OTOA: variants seen among roughly 807,000 people sequenced by gnomAD.
OTOA encodes otoancorin.
OTOA carries 70 observed loss-of-function variants against 110.8 expected under a neutral mutation model. The ratio of observed to expected loss-of-function variants is 0.63; its 90% CI spans 0.52 to 0.77. The LOEUF (loss-of-function observed/expected upper bound fraction) is 0.77. OTOA is among the 30% of genes least tolerant of loss of function. OTOA has a pLI of 0.00. For synonymous variants in OTOA, 373 were observed against 431.5 expected, an observed-to-expected ratio of 0.86 and a Z score of 1.68; for missense variants, 917 against 1,075.8, an observed-to-expected ratio of 0.85 and a Z score of 2.06.
At position 21,728,413 on chromosome 16, in the gene OTOA, A is replaced by G. The variant is rs1898998666; in HGVS notation, c.2189A>G (p.Lys730Arg). 6.2e-7 allele frequency: 1 copy of G among 1,613,850 alleles called. No individual in the cohort carries two copies. The highest frequency in any genetic ancestry group is 8.5e-7 in the Non-Finnish European group (1 of 1,179,970). The change falls in exon 20 of 29, where the codon AAG (lysine) becomes AGG (arginine). Residue 730 changes from lysine (K) to arginine (R), a missense_variant. Coordinates refer to ENST00000646100, the MANE Select transcript of OTOA (RefSeq NM_144672.4). ...NPEQKAAVRL[K>R]LLGQYGLPQH... ...GAGCAAAAGGCTGCAGTGAGGCTCA[A>G]GCTCCTGGGACAGTATGGGTGAGGA... is the stretch of plus-strand genomic sequence containing the variant.
intron 1 of OTOA, among the ~76,000 whole-genome samples, chr16:21,669,062 C>T (rs897976928): frequency 3.3e-5 from 5 of 151,844 alleles, no homozygotes; most frequent in African/African-American, 1.2e-4. Context: ...TATCTGGGGC[C>T]GGGTGCAGTG....
chr16:21,720,222 C>G (rs1898687215), intron 17 of OTOA, among the ~76,000 whole-genome samples: 1 of 152,146 alleles, frequency 6.6e-6, no homozygotes, highest in Non-Finnish European at 1.5e-5. Context: ...TCTCAAAGTG[C>G]TGGGATGACA....
At position 21,715,002 on chromosome 16, in the gene OTOA, T is replaced by C. The variant is rs1894710196; in HGVS notation, c.1338T>C (p.Asn446=). The change falls in exon 14 of 29, where the codon AAT becomes AAC. Residue 446 remains asparagine, a synonymous_variant. Coordinates refer to ENST00000646100, the MANE Select transcript of OTOA (RefSeq NM_144672.4). ...TCTTCCAGGTGCTGTCTTTCTACAA[T>C]GTCAGCCAGATGGGCGCACTGCTGG... The part of the protein sequence containing the change: ...LAHEKVLSFY[N]VSQMGALLAG... The C allele has an allele frequency of 6.2e-7, 1 of 1,614,044 alleles. No individual in the cohort carries two copies. The highest frequency in any genetic ancestry group is 1.3e-5 in the African/African-American group (1 of 74,934).
intron 21 of OTOA, among the ~76,000 whole-genome samples, chr16:21,735,887 C>A (rs1183479005): frequency 6.6e-6 from 1 of 152,214 alleles, no homozygotes; most frequent in Non-Finnish European, 1.5e-5. Flanking sequence ...AGCCACCACA[C>A]CTCGCCTAAC....
At chr16:21,691,324 C>T (rs1181270977) in intron 8 of OTOA, among the ~76,000 whole-genome samples, 7 of 151,824 alleles carry the variant, frequency 4.6e-5, no homozygotes, top group African/African-American at 1.7e-4. Flanking sequence ...CCTTTGGGTA[C>T]ATACCCAGAA....
At chr16:21,682,130 A>C in intron 6 of OTOA, among the ~76,000 whole-genome samples, 1 of 152,238 alleles carries the variant, frequency 6.6e-6, no homozygotes, top group East Asian at 1.9e-4. Context: ...GTCCAGAGCT[A>C]AGTGGGAAAG....
At chr16:21,707,875 A>G (rs1030109845) in intron 12 of OTOA, among the ~76,000 whole-genome samples, 1 of 148,378 alleles carries the variant, frequency 6.7e-6, no homozygotes, top group Non-Finnish European at 1.5e-5. Context: ...GCTCACTGCA[A>G]CCTCTGCCTC....
intron 12 of OTOA, among the ~76,000 whole-genome samples, chr16:21,707,717 T>A (rs958863468): frequency 6.9e-6 from 1 of 145,212 alleles, no homozygotes; most frequent in African/African-American, 2.6e-5. Flanking sequence ...CTTTCTTTCT[T>A]CTCTTTCTCA....
chr16:21,734,208 G>A (rs369370849), intron 21 of OTOA, among the ~76,000 whole-genome samples: 172 of 146,984 alleles, frequency 1.2e-3, no homozygotes, highest in East Asian at 7.5e-3. Context: ...GAATGAGATC[G>A]TGTTCTTTGC....
intron 22 of OTOA, among the ~76,000 whole-genome samples, chr16:21,736,969 G>T (rs1342194405): frequency 6.6e-6 from 1 of 152,312 alleles, no homozygotes; most frequent in African/African-American, 2.4e-5. Flanking sequence ...TGGATTAGTG[G>T]TTTAACATAG....
intron 11 of OTOA, 124 bp downstream of exon 11, chr16:21,701,151 C>A: frequency 1.4e-6 from 2 of 1,411,586 alleles, no homozygotes; most frequent in Non-Finnish European, 2.0e-6. Flanking sequence ...TTTGAATAGT[C>A]CCATATTTCT....
Position 21,736,272 on chromosome 16 carries a change from C to T in OTOA, c.2313C>T (p.Ile771=), listed in dbSNP as rs1597856628. ...LSSIATKFPE[I]LLQAASKMAR... ...CTTCTTTCACACAGTTTCCTGAGAT[C>T]CTTCTGCAAGCAGCTTCCAAGATGG... Residue 771 remains isoleucine (I), a synonymous_variant, in exon 22 of 29, where the codon ATC becomes ATT. Coordinates refer to ENST00000646100, the MANE Select transcript of OTOA (RefSeq NM_144672.4). 6 of 1,613,280 alleles carry T rather than the reference C, an allele frequency of 3.7e-6. No homozygotes were observed. The highest frequency in any genetic ancestry group is 5.1e-6 in the Non-Finnish European group (6 of 1,179,304).
At position 21,730,930 on chromosome 16, in the gene OTOA, G is replaced by C; in HGVS notation, c.2301G>C (p.Lys767Asn). 6 of 1,452,294 alleles carry C rather than the reference G, an allele frequency of 4.1e-6. No homozygotes were observed. The highest frequency in any genetic ancestry group is 4.8e-6 in the Non-Finnish European group (5 of 1,037,894). 90.0% of individuals were successfully genotyped at this position (1,452,294 alleles called of 1,614,324 possible). The change falls in exon 21 of 29, where the codon AAG becomes AAC. Residue 767 changes from lysine to asparagine, a missense_variant and splice_region_variant. Lys to Asn is a moderately conservative substitution (Grantham distance 94). Around this residue, in one of 6 missense-constraint regions of OTOA, gnomAD observed 57 missense variants for 59.7 expected, o/e 0.96. Transcript: ENST00000646100. Reference sequence around the variant, plus strand: ...ATGAATTAAGCTCTATAGCCACAAAGGTAATGTTGTGCTCCATCTTAAGAA... The same window carrying C: ...ATGAATTAAGCTCTATAGCCACAAACGTAATGTTGTGCTCCATCTTAAGAA... Reference protein sequence around the residue: ...SGDELSSIATKFPEILLQAAS... With the variant: ...SGDELSSIATNFPEILLQAAS...
chr16:21,670,717 C>T (rs1966847833), intron 1 of OTOA, among the ~76,000 whole-genome samples: 1 of 152,164 alleles, frequency 6.6e-6, no homozygotes, highest in South Asian at 2.1e-4. Flanking sequence ...AATAATTACA[C>T]AAACATAAAT....
chr16:21,679,777 A>G (rs1325843204), intron 5 of OTOA, among the ~76,000 whole-genome samples: 1 of 152,160 alleles, frequency 6.6e-6, no homozygotes, highest in Admixed American at 6.5e-5. Context: ...GAAACAATCT[A>G]ATCCTCACAA....
chr16:21,736,450 G>A (rs1269234649), intron 22 of OTOA, 60 bp downstream of exon 22: 6 of 1,605,616 alleles, frequency 3.7e-6, no homozygotes, highest in Non-Finnish European at 5.1e-6. Context: ...TTTGGGCAGG[G>A]TCCCTGACAT....
At chr16:21,717,987 C>A (rs774845455) in intron 15 of OTOA, among the ~76,000 whole-genome samples, 5 of 152,130 alleles carry the variant, frequency 3.3e-5, no homozygotes, top group Non-Finnish European at 7.4e-5. Flanking sequence ...GACAGAGTCT[C>A]TCTCGGTCAC....
At chr16:21,685,190 C>T (rs1597809418) in intron 6 of OTOA, 40 bp from the exon 7 acceptor site, 1 of 1,607,382 alleles carries the variant, frequency 6.2e-7, no homozygotes, top group East Asian at 2.2e-5. Flanking sequence ...TGCTCCTGCT[C>T]TTTCTGTTCT....
At chr16:21,700,767 T>C in intron 10 of OTOA, 121 bp from the exon 11 acceptor site, 1 of 1,111,052 alleles carries the variant, frequency 9.0e-7, no homozygotes, top group Non-Finnish European at 1.3e-6. Context: ...TCAATGACAA[T>C]GAGAACCAGG....
Sources: gnomAD v4.1 joint callset for allele counts (sites outside exome capture counted in the v4.1 genomes callset) on GRCh38, gnomAD v4.1.1 for gene constraint, gnomAD v4.1.1 regional missense constraint, MANE v1.5 for transcripts, NCBI Gene and HGNC (gene_info 2026-07-23, HGNC 2026-07-21) for gene names.